The following ACADVL variants were observed in gnomAD, a reference collection of about 807,000 sequenced individuals.
The protein encoded by ACADVL is very long-chain acyl-CoA dehydrogenase, mitochondrial.
A neutral mutation model predicts 80.4 loss-of-function variants in ACADVL; 73 were observed. The observed-to-expected ratio is 0.91, with a 90% CI of 0.75 to 1.10. The LOEUF (loss-of-function observed/expected upper bound fraction) is 1.10, where lower values mean the gene tolerates loss of function less well. ACADVL is among the 50% of genes least tolerant of loss of function. The pLI, the probability that ACADVL is intolerant of heterozygous loss-of-function variation, is 0.00. For missense variants in ACADVL, 878 were observed against 858.9 expected (o/e 1.02, Z -0.28); for synonymous variants, 392 against 326.5 (o/e 1.20, Z -2.16).
upstream of ACADVL, chr17:7,219,652 C>A: frequency 7.8e-7 from 1 of 1,278,968 alleles, no homozygotes; most frequent in Non-Finnish European, 1.0e-6. Flanking sequence ...CCCTTCAGTC[C>A]ACCTCCATCC....
At chr17:7,218,744 C>A, upstream of ACADVL, 1 of 1,584,818 alleles carries the variant, frequency 6.3e-7, no homozygotes, top group South Asian at 1.1e-5. Context: ...CCAGCCCCTA[C>A]GGAAAGATTT....
chr17:7,220,400 C>T (rs996950993), intron 2 of ACADVL, 64 bp from the exon 3 acceptor site: 2 of 1,608,670 alleles, frequency 1.2e-6, no homozygotes, highest in African/African-American at 1.3e-5. Flanking sequence ...GCGGCTCTCG[C>T]CTGTTCTCCC....
At chr17:7,219,425 C>T (rs2071079859), upstream of ACADVL, 1 of 1,017,900 alleles carries the variant, frequency 9.8e-7, no homozygotes, top group African/African-American at 1.7e-5. Context: ...TGTAGCTGTT[C>T]CAAGAGTTAG....
intron 7 of ACADVL, 103 bp from the exon 8 acceptor site, chr17:7,221,849 C>A (rs2071243912): frequency 3.1e-6 from 5 of 1,598,424 alleles, no homozygotes; most frequent in Non-Finnish European, 4.3e-6. Flanking sequence ...CTGGATACTC[C>A]CAGGTGTTAA....
rs1555528820 is a variant in ACADVL, at chr17:7,224,163, C to T, written c.1452C>T (p.Leu484=). ...LQGCMDKGKE[L]SGLGSALKNP... is the part of the protein sequence containing the mutation. ...CCCCATAGGACAAAGGAAAGGAGCT[C>T]TCTGGGCTTGGCAGTGCTCTAAAGA... is the stretch of plus-strand genomic sequence containing the variant. The change falls in exon 15 of 20, where the codon CTC becomes CTT. Residue 484 remains leucine, a synonymous_variant. Transcript: ENST00000356839. 1.2e-6 allele frequency: 2 copies of T among 1,614,128 alleles called. No individual in the cohort carries two copies. The highest frequency in any genetic ancestry group is 1.7e-6 in the Non-Finnish European group (2 of 1,180,030).
In ACADVL at chr17:7,222,648, C is replaced by T. The variant is rs754490495; in HGVS notation, c.879-19C>T. 3 of 1,607,908 alleles carry T rather than the reference C, an allele frequency of 1.9e-6. No individual in the cohort carries two copies. In the Admixed American group the frequency reaches 5.1e-5, roughly 27 times the overall value. On this transcript the variant is annotated intron_variant, in intron 9 of 19. Transcript: ENST00000356839. ...ACCTGTTGAACACACCTCTGCTTTC[C>T]CACACTGCCCTGACACAGTGGGCCC... is the stretch of plus-strand genomic sequence containing the variant.
At chr17:7,222,896 C>T in intron 10 of ACADVL, 31 bp downstream of exon 10, 3 of 1,606,220 alleles carry the variant, frequency 1.9e-6, no homozygotes, top group Non-Finnish European at 2.5e-6. Flanking sequence ...CCTAGGTAAC[C>T]CAAACAGAAG....
upstream of ACADVL, chr17:7,218,180 G>A: frequency 1.4e-6 from 2 of 1,442,328 alleles, no homozygotes; most frequent in Non-Finnish European, 1.9e-6. Flanking sequence ...GTGATATTTG[G>A]CTCACCCCTC....
rs370146676 is a variant in ACADVL at position 7,220,924 on chromosome 17, G to C, written c.343G>C (p.Glu115Gln). 95 of 1,613,970 alleles carry C rather than the reference G, an allele frequency of 5.9e-5. No homozygotes were observed. The highest frequency in any genetic ancestry group is 7.6e-5 in the Non-Finnish European group (90 of 1,180,038). The change falls in exon 6 of 20, where the codon GAA (glutamate) becomes CAA (glutamine). Residue 115 changes from glutamate to glutamine, a missense_variant and splice_region_variant. Glu to Gln is a conservative substitution (Grantham distance 29). Transcript: ENST00000356839. ...LVEPVSRFFE[E>Q]VNDPAKNDAL... ...ATGTGGGATCCTGTGCCTTCCCCAG[G>C]AAGTGAACGATCCCGCCAAGAATGA...
At chr17:7,221,080 A>G in intron 6 of ACADVL, 22 bp downstream of exon 6, 2 of 1,612,642 alleles carry the variant, frequency 1.2e-6, no homozygotes, top group Non-Finnish European at 1.7e-6. Flanking sequence ...CTATCGCCAC[A>G]TCCCAGTATG....
chr17:7,224,731 G>A lies in ACADVL; in HGVS notation c.1751+17G>A. Reference sequence around the variant, plus strand: ...TCTCTCGAGGTGAGGAGGCAGGCAGGGAATGCCTGAGCCGCAGGGGGCCTG... The same window carrying A: ...TCTCTCGAGGTGAGGAGGCAGGCAGAGAATGCCTGAGCCGCAGGGGGCCTG... On this transcript the variant is annotated intron_variant, in intron 18 of 19. Coordinates refer to ENST00000356839, the MANE Select transcript of ACADVL (RefSeq NM_000018.4). The A allele has an allele frequency of 6.2e-7, 1 of 1,609,182 alleles. No homozygotes were observed. The highest frequency in any genetic ancestry group is 8.5e-7 in the Non-Finnish European group (1 of 1,177,942).
chr17:7,217,650 G>C, upstream of ACADVL: 2 of 1,287,774 alleles, frequency 1.6e-6, no homozygotes, highest in East Asian at 5.7e-5. Context: ...GGGGGAGGGA[G>C]GGAGGGAGCT....
At chr17:7,219,795 C>T (rs2142956925), upstream of ACADVL, 2 of 1,521,594 alleles carry the variant, frequency 1.3e-6, no homozygotes, top group East Asian at 2.5e-5. Context: ...TTGGAGATCC[C>T]TCTAAGTCAG....
At position 7,220,039 on chromosome 17, in the gene ACADVL, G is replaced by A; in HGVS notation, c.55G>A (p.Gly19Ser). The A allele has an allele frequency of 6.2e-7, 1 of 1,604,286 alleles. No homozygotes were observed. The highest frequency in any genetic ancestry group is 8.5e-7 in the Non-Finnish European group (1 of 1,178,882). The change falls in exon 1 of 20, where the codon GGC (glycine) becomes AGC (serine). Residue 19 changes from glycine (G) to serine (S), a missense_variant. Gly to Ser is a moderately conservative substitution (Grantham distance 56). Transcript: ENST00000356839. ...SLGRQLLRLG[G>S]GSSRLTALLG... is the part of the protein sequence containing the mutation. ...GGGGCGGCAGCTGCTGAGGCTCGGG[G>A]GCGGAAGGTCTGTGTGTGACAAGAG...
chr17:7,218,245 C>T (rs750130441), upstream of ACADVL: 2 of 1,609,592 alleles, frequency 1.2e-6, no homozygotes, highest in Non-Finnish European at 1.7e-6. Flanking sequence ...CCTTACCTGA[C>T]TCTCTGAGAG....
intron 9 of ACADVL, 78 bp downstream of exon 9, chr17:7,222,380 C>T (rs1308963444): frequency 1.3e-6 from 2 of 1,574,320 alleles, no homozygotes; most frequent in Non-Finnish European, 1.7e-6. Context: ...TTGCAAGTCA[C>T]CCTGGGGACG....
upstream of ACADVL, chr17:7,217,856 T>G: frequency 6.6e-7 from 1 of 1,526,348 alleles, no homozygotes; most frequent in Non-Finnish European, 8.8e-7. Flanking sequence ...GCATCTATAG[T>G]TGGGCTGGGA....
rs370928520 is a variant in ACADVL at position 7,224,754 on chromosome 17, C to A, written c.1751+40C>A. 5 of 1,612,812 alleles carry A rather than the reference C, an allele frequency of 3.1e-6. No individual in the cohort carries two copies. In the African/African-American group the frequency reaches 5.3e-5, roughly 17 times the overall value. Reference sequence around the variant, plus strand: ...AGGGAATGCCTGAGCCGCAGGGGGCCTGGGCCTGGATCCCAGCCGGCCCAG... The same window carrying A: ...AGGGAATGCCTGAGCCGCAGGGGGCATGGGCCTGGATCCCAGCCGGCCCAG... On this transcript the variant is annotated intron_variant, in intron 18 of 19. Transcript: ENST00000356839.
chr17:7,222,243 A>G lies in ACADVL; in HGVS notation c.819A>G (p.Gly273=). 6.2e-7 allele frequency: 1 copy of G among 1,613,964 alleles called. No homozygotes were observed. Among genetic ancestry groups the G allele is most frequent in the Non-Finnish European group, 8.5e-7 (1 of 1,180,004 alleles). The part of the protein sequence containing the change: ...AKTPVTDPAT[G]AVKEKITAFV... ...CACCAGTTACAGATCCAGCCACAGGAGCCGTGAAGGAGAAGATCACAGCTT... is the reference window on the plus strand; with the variant it reads ...CACCAGTTACAGATCCAGCCACAGGGGCCGTGAAGGAGAAGATCACAGCTT... Residue 273 remains glycine (G), a synonymous_variant, in exon 9 of 20, where the codon GGA becomes GGG. Transcript: ENST00000356839.
Sources: gnomAD v4.1 joint callset for allele counts on GRCh38, gnomAD v4.1.1 for gene constraint, MANE v1.5 for transcripts, NCBI Gene and HGNC (gene_info 2026-07-23, HGNC 2026-07-21) for gene names.